TBC1D17: variants seen among roughly 807,000 people sequenced by gnomAD.
The protein encoded by TBC1D17 is TBC1 domain family, member 17.
A neutral mutation model predicts 78.8 loss-of-function variants in TBC1D17; 69 were observed. That is an observed-to-expected ratio of 0.88 (90% CI 0.72 to 1.07). TBC1D17 has a LOEUF of 1.07. Ranked by LOEUF, TBC1D17 falls within the 50% of genes least tolerant of loss-of-function variation. TBC1D17 has a pLI of 0.00. For missense variants in TBC1D17, 957 were observed against 861.0 expected, an observed-to-expected ratio of 1.11 and a Z score of -1.39; for synonymous variants, 456 against 358.3, an observed-to-expected ratio of 1.27 and a Z score of -3.08.
chr19:49,887,852 C>A lies in TBC1D17; in HGVS notation c.1659+18C>A. 1 of 1,585,984 alleles carries A rather than the reference C, an allele frequency of 6.3e-7. No homozygotes were observed. The highest frequency in any genetic ancestry group is 1.1e-5 in the South Asian group (1 of 88,104). On this transcript the variant is annotated intron_variant, in intron 15 of 16. Transcript: ENST00000221543. ...TCCTCAAGGTGAGGCTCCGGCCCCG[C>A]CCCCGCCCTGTCCCCCCTGAGCTGG...
intron 10 of TBC1D17, 91 bp from the exon 11 acceptor site, chr19:49,884,162 C>G (rs2075039078): frequency 3.4e-6 from 4 of 1,172,220 alleles, no homozygotes; most frequent in South Asian, 1.3e-5. Context: ...GGGCTGCCAG[C>G]AGGAGGAGCA....
At position 49,882,745 on chromosome 19, in the gene TBC1D17, A is replaced by G. The variant is rs1180028256; in HGVS notation, c.799-19A>G. On this transcript the variant is annotated intron_variant, in intron 7 of 16. Coordinates refer to ENST00000221543, the MANE Select transcript of TBC1D17 (RefSeq NM_024682.3). ...CACCACCCCGCCGAGCCCCAGGCTC[A>G]TTTGCTCTTTGCCTGCAGGTGGAGC... 6.5e-7 allele frequency: 1 copy of G among 1,540,780 alleles called. No individual in the cohort carries two copies.
At chr19:49,877,863 C>A in intron 1 of TBC1D17, 119 bp downstream of exon 1, 1 of 1,250,310 alleles carries the variant, frequency 8.0e-7, no homozygotes, top group Non-Finnish European at 1.1e-6. Flanking sequence ...AAACACCGAT[C>A]TCTTATAAAC....
At chr19:49,880,220 C>T (rs1403023278) in intron 3 of TBC1D17, 59 bp from the exon 4 acceptor site, 4 of 1,595,460 alleles carry the variant, frequency 2.5e-6, no homozygotes, top group African/African-American at 2.7e-5. Flanking sequence ...TCCAGGGTAG[C>T]CTCGAGGCTA....
At position 49,882,983 on chromosome 19, in the gene TBC1D17, C is replaced by T. The variant is rs1167603788; in HGVS notation, c.938C>T (p.Pro313Leu). The T allele has an allele frequency of 1.2e-6, 2 of 1,609,814 alleles. No homozygotes were observed. Among genetic ancestry groups the T allele is most frequent in the Non-Finnish European group, 1.7e-6 (2 of 1,178,016 alleles). ...KNRIFSGGLS[P>L]SLRREAWKFL... Reference sequence around the variant, plus strand: ...CTCCTGCACCCCCAGGGTCTGAGCCCCAGCCTGCGGCGCGAGGCCTGGAAG... The same window carrying T: ...CTCCTGCACCCCCAGGGTCTGAGCCTCAGCCTGCGGCGCGAGGCCTGGAAG... The change falls in exon 9 of 17, where the codon CCC (proline) becomes CTC (leucine). Residue 313 changes from proline (P) to leucine (L), a missense_variant. By Grantham distance (98) the Pro-to-Leu change is moderately conservative. Coordinates refer to ENST00000221543, the MANE Select transcript of TBC1D17 (RefSeq NM_024682.3).
chr19:49,877,894 A>G (rs2074970290), intron 1 of TBC1D17, 150 bp downstream of exon 1: 1 of 1,004,676 alleles, frequency 1.0e-6, no homozygotes, highest in Non-Finnish European at 1.4e-6. Flanking sequence ...CCTCCCGTCC[A>G]CCGCCCCAGG....
Position 49,888,298 on chromosome 19 carries a change from GC to G in TBC1D17, c.1729del (p.Gln577SerfsTer2), listed in dbSNP as rs1568679711. On this transcript the variant is annotated frameshift_variant, in exon 16 of 17. Transcript: ENST00000221543. LOFTEE classifies it low-confidence loss of function (END_TRUNC). The part of the protein sequence containing the change: ...DVLTRAEALH[R>X]QLTACPELPH... ...CTGACCCGCGCCGAGGCCCTGCACC[GC>G]CAGCTAACCGCCTGCCCCGTGAGTC... The G allele has an allele frequency of 1.3e-6, 2 of 1,587,184 alleles. No individual in the cohort carries two copies. Among genetic ancestry groups the G allele is most frequent in the East Asian group, 4.6e-5 (2 of 43,702 alleles).
chr19:49,880,974 T>C (rs2075007557), intron 4 of TBC1D17, among the ~76,000 whole-genome samples: 1 of 151,922 alleles, frequency 6.6e-6, no homozygotes, highest in South Asian at 2.1e-4. Flanking sequence ...GGAGGTAAGA[T>C]AGGCAGGGGC....
chr19:49,881,368 C>T lies in TBC1D17; in HGVS notation c.420C>T (p.Tyr140=), dbSNP rs2075011142. 6.2e-7 allele frequency: 1 copy of T among 1,613,398 alleles called. No individual in the cohort carries two copies. The highest frequency in any genetic ancestry group is 8.5e-7 in the Non-Finnish European group (1 of 1,180,008). Residue 140 remains tyrosine, a synonymous_variant, in exon 5 of 17, where the codon TAC becomes TAT. Coordinates refer to ENST00000221543, the MANE Select transcript of TBC1D17 (RefSeq NM_024682.3). ...CCAAGCCAGGCCTCAGCTGGGCCTA[C>T]CTGGTTCTGGTGACCCAGGCTGGAG... ...RRSKPGLSWA[Y]LVLVTQAGGS... is the part of the protein sequence containing the mutation.
At chr19:49,877,782 G>A (rs1393091992) in intron 1 of TBC1D17, 38 bp downstream of exon 1, 3 of 1,571,576 alleles carry the variant, frequency 1.9e-6, no homozygotes, top group Admixed American at 1.9e-5. Flanking sequence ...TTCAGTGTAT[G>A]CGAAACGCCC....
rs1453420015 is a variant in TBC1D17, at chr19:49,888,713, ATAAGCTGGCTT to A, written c.*90_*100del. On this transcript the variant is annotated 3_prime_UTR_variant, in exon 17 of 17. Transcript: ENST00000221543. ...GCAGGTGTGCTCCGCCGCCCTGCTG[ATAAGCTGGCTT>A]CATTAAACTGACACTTCTCATGTGC... The A allele has an allele frequency of 3.3e-6, 4 of 1,221,790 alleles. No individual in the cohort carries two copies. Among genetic ancestry groups the A allele is most frequent in the Non-Finnish European group, 4.4e-6 (4 of 901,336 alleles). The allele number at this position is 1,221,790 out of a possible 1,614,324, so 75.7% of individuals were successfully genotyped here.
At position 49,882,415 on chromosome 19, in the gene TBC1D17, G is replaced by C; in HGVS notation, c.798+15G>C. 1 of 1,592,350 alleles carries C rather than the reference G, an allele frequency of 6.3e-7. No individual in the cohort carries two copies. Among genetic ancestry groups the C allele is most frequent in the Non-Finnish European group, 8.5e-7 (1 of 1,171,368 alleles). On this transcript the variant is annotated intron_variant, in intron 7 of 16. Transcript: ENST00000221543. Reference sequence around the variant, plus strand: ...TCATTTCCTGTGTGAGTAGTGAGTGGACCCTCCCTGTTATTTCTGGCCGTG... The same window carrying C: ...TCATTTCCTGTGTGAGTAGTGAGTGCACCCTCCCTGTTATTTCTGGCCGTG...
chr19:49,882,758 C>T lies in TBC1D17; in HGVS notation c.799-6C>T, dbSNP rs1299523484. The T allele has an allele frequency of 1.3e-6, 2 of 1,553,972 alleles. No homozygotes were observed. The highest frequency in any genetic ancestry group is 2.3e-5 in the East Asian group (1 of 44,106). Reference sequence around the variant, plus strand: ...AGCCCCAGGCTCATTTGCTCTTTGCCTGCAGGTGGAGCTGGGGCCTCGGCC... The same window carrying T: ...AGCCCCAGGCTCATTTGCTCTTTGCTTGCAGGTGGAGCTGGGGCCTCGGCC... On this transcript the variant is annotated splice_region_variant and splice_polypyrimidine_tract_variant and intron_variant, in intron 7 of 16. Transcript: ENST00000221543.
In TBC1D17 at chr19:49,884,649, C is replaced by T. The variant is rs773662895; in HGVS notation, c.1345-10C>T. On this transcript the variant is annotated splice_polypyrimidine_tract_variant and intron_variant, in intron 12 of 16. Coordinates refer to ENST00000221543, the MANE Select transcript of TBC1D17 (RefSeq NM_024682.3). ...GGGTCTGCTCTTTCCCCCCTCCTTC[C>T]GTCCCACAGCAAGGGAACTTTGAAG... The T allele has an allele frequency of 1.5e-5, 24 of 1,614,088 alleles. No homozygotes were observed. The East Asian group carries it at 4.0e-4, about 27-fold the overall frequency.
chr19:49,887,563 G>T lies in TBC1D17; in HGVS notation c.1532G>T (p.Arg511Leu). 6.2e-7 allele frequency: 1 copy of T among 1,614,084 alleles called. No homozygotes were observed. Among genetic ancestry groups the T allele is most frequent in the Non-Finnish European group, 8.5e-7 (1 of 1,180,002 alleles). ...GAATTCCCCTTCCCGGATGTCCTTC[G>T]GCTGTGGGAGGTGGGCCAGCCAGTT... ...KREFPFPDVL[R>L]LWEVLWTGLP... Residue 511 changes from arginine (R) to leucine (L), a missense_variant, in exon 14 of 17, where the codon CGG becomes CTG. Physicochemically the swap from Arg to Leu is moderately radical, Grantham distance 102. Coordinates refer to ENST00000221543, the MANE Select transcript of TBC1D17 (RefSeq NM_024682.3).
At chr19:49,878,421 T>G (rs1479152295) in intron 2 of TBC1D17, 77 bp from the exon 3 acceptor site, 1 of 1,457,916 alleles carries the variant, frequency 6.9e-7, no homozygotes, top group East Asian at 2.3e-5. Flanking sequence ...ACTGGGAAAG[T>G]TTGGAAATTT....
intron 1 of TBC1D17, 54 bp from the exon 2 acceptor site, chr19:49,878,089 C>T: frequency 6.8e-7 from 1 of 1,460,984 alleles, no homozygotes; most frequent in South Asian, 1.2e-5. Context: ...TATTGGCTCC[C>T]CAGGCTGGTC....
At position 49,881,489 on chromosome 19, in the gene TBC1D17, C is replaced by A; in HGVS notation, c.527+14C>A. 6.2e-7 allele frequency: 1 copy of A among 1,604,204 alleles called. No homozygotes were observed. On this transcript the variant is annotated intron_variant, in intron 5 of 16. Transcript: ENST00000221543. ...GCTGTTGGCCAGGTGAGCTCTCTCC[C>A]AGTGCTGGGCCTTAAACCGGGCCCA...
At chr19:49,878,023 G>A (rs1438931293) in intron 1 of TBC1D17, 120 bp from the exon 2 acceptor site, 2 of 864,474 alleles carry the variant, frequency 2.3e-6, no homozygotes, top group East Asian at 2.7e-5. Context: ...TTGGTCCCGG[G>A]GCAATGGCCC....
Sources: gnomAD v4.1 joint callset for allele counts (sites outside exome capture counted in the v4.1 genomes callset) on GRCh38, gnomAD v4.1.1 for gene constraint, MANE v1.5 for transcripts, NCBI Gene and HGNC (gene_info 2026-07-23, HGNC 2026-07-21) for gene names.